The following YJEFN3 variants were observed in gnomAD, a reference collection of about 807,000 sequenced individuals.
YJEFN3 encodes yjeF N-terminal domain-containing protein 3.
Under a neutral mutation model 31.5 loss-of-function variants are expected in YJEFN3, and 29 were observed. The observed-to-expected ratio is 0.92, with a 90% confidence interval of 0.69 to 1.26. The LOEUF (loss-of-function observed/expected upper bound fraction) is 1.26. Among genes scored for constraint, YJEFN3 ranks in the 50% most tolerant of loss-of-function variants. The pLI is 0.00. For missense variants in YJEFN3, 442 were observed against 425.4 expected, an observed-to-expected ratio of 1.04 and a Z score of -0.34; for synonymous variants, 227 against 196.1, an observed-to-expected ratio of 1.16 and a Z score of -1.32.
chr19:19,533,498 CCCT>C (rs930579642), intron 3 of YJEFN3: 1 of 834,546 alleles, frequency 1.2e-6, no homozygotes, highest in Non-Finnish European at 1.4e-6. Context: ...CTTTCTCTCT[CCCT>C]CCTCCTCCCC....
At position 19,534,886 on chromosome 19, in the gene YJEFN3, C is replaced by T. The variant is rs915775781; in HGVS notation, c.319-148C>T. 8 of 535,490 alleles carry T rather than the reference C, an allele frequency of 1.5e-5. No individual in the cohort carries two copies. Among genetic ancestry groups the T allele is most frequent in the Non-Finnish European group, 2.2e-5 (7 of 324,426 alleles). The allele number at this position is 535,490 out of a possible 1,614,324, so 33.2% of individuals were successfully genotyped here. A position where few individuals can be genotyped will look rare whatever the true frequency, so the allele number is the denominator to read the frequency against. ...AACTGAGGCCCCAAGAGGCCCAACC[C>T]CTCATCCAGAACAGCTCACCTCCTG... On this transcript the variant is annotated intron_variant, in intron 3 of 6. Transcript: ENST00000514277. This position sits in a 1 kb window ranked among gnomAD's most constrained non-coding sequence, Gnocchi z 4.6.
intron 1 of YJEFN3, 151 bp from the exon 2 acceptor site, chr19:19,529,213 C>G: frequency 6.9e-7 from 1 of 1,446,372 alleles, no homozygotes; most frequent in East Asian, 2.5e-5. Context: ...AATCCGAGAC[C>G]CTCCTGGCAT....
Position 19,533,745 on chromosome 19 carries a change from G to A in YJEFN3, c.318+1005G>A, listed in dbSNP as rs531446237. 85 of 985,370 alleles carry A rather than the reference G, an allele frequency of 8.6e-5. 1 individual carries two copies. Among genetic ancestry groups the A allele is most frequent in the Middle Eastern group, 5.2e-4 (1 of 1,914 alleles). 61.0% of individuals were successfully genotyped at this position (985,370 alleles called of 1,614,324 possible). On this transcript the variant is annotated intron_variant, in intron 3 of 6. Transcript: ENST00000514277. ...TGTATTTCCAAATGAAATAGATCCC[G>A]GGTGAGGCGCCCAAAGGAGAAGGAA... is the stretch of plus-strand genomic sequence containing the variant.
At chr19:19,533,945 C>G (rs915272943) in intron 3 of YJEFN3, 36 of 985,438 alleles carry the variant, frequency 3.7e-5, no homozygotes, top group Non-Finnish European at 4.2e-5. Flanking sequence ...CATGGCAGGT[C>G]AGGACTGCGC....
At chr19:19,532,347 G>A (rs959206021) in intron 2 of YJEFN3, among the ~76,000 whole-genome samples, 1 of 152,256 alleles carries the variant, frequency 6.6e-6, no homozygotes, top group Non-Finnish European at 1.5e-5. Flanking sequence ...CCCACGCTTT[G>A]GAGCAGTAGA....
intron 6 of YJEFN3, 154 bp downstream of exon 6, chr19:19,535,833 T>C (rs1600370340): frequency 9.7e-7 from 1 of 1,029,064 alleles, no homozygotes; most frequent in East Asian, 2.6e-5. Context: ...CACCCATCCC[T>C]CTGATGGGGA....
Position 19,531,274 on chromosome 19 carries a change from G to C in YJEFN3, c.210-1358G>C, listed in dbSNP as rs1050299014. On this transcript the variant is annotated intron_variant, in intron 2 of 6. Transcript: ENST00000514277. ...GGCTCTATGTCTTTGTTCATGTCCT[G>C]TGGCTCTGGAGACACCAAGGGGGAA... Among the ~76,000 whole-genome samples, 7 of 152,302 alleles carry C rather than the reference G, an allele frequency of 4.6e-5. No individual in the cohort carries two copies. The South Asian group carries it at 1.2e-3, about 27-fold the overall frequency.
rs56747140 is a variant in YJEFN3, at chr19:19,531,718, CTTTTT to C, written c.210-888_210-884del. On this transcript the variant is annotated intron_variant, in intron 2 of 6. Coordinates refer to ENST00000514277, the MANE Select transcript of YJEFN3 (RefSeq NM_198537.4). Reference sequence around the variant, plus strand: ...GCCACATTTTCTGGCAACAAATAACCTTTTTTTTTTTTTTTTTTTTTTTTTTTTTT... The same window carrying C: ...GCCACATTTTCTGGCAACAAATAACCTTTTTTTTTTTTTTTTTTTTTTTTT... Among the ~76,000 whole-genome samples, 573 of 75,804 alleles carry C rather than the reference CTTTTT, an allele frequency of 7.6e-3. 10 individuals are homozygous for C. The highest frequency in any genetic ancestry group is 0.034 in the African/African-American group (456 of 13,218). 49.7% of individuals were successfully genotyped at this position (75,804 alleles called of 152,430 possible).
rs777136416 is a variant in YJEFN3 at position 19,535,674 on chromosome 19, C to T, written c.689C>T (p.Pro230Leu). ...LSIPLVSLDIPSGWDAETGSD... is the reference protein window; with the variant it reads ...LSIPLVSLDILSGWDAETGSD... ...ATCCCCCTCGTGAGCCTGGACATCC[C>T]CTCAGGCATGCCAGGCAGAGGGGGG... The change falls in exon 6 of 7, where the codon CCC becomes CTC. Residue 230 changes from proline to leucine, a missense_variant. Pro to Leu is a moderately conservative substitution (Grantham distance 98). Coordinates refer to ENST00000514277, the MANE Select transcript of YJEFN3 (RefSeq NM_198537.4). 6.4e-7 allele frequency: 1 copy of T among 1,558,014 alleles called. No homozygotes were observed. The highest frequency in any genetic ancestry group is 8.7e-7 in the Non-Finnish European group (1 of 1,152,696).
chr19:19,537,476 T>C lies in YJEFN3; in HGVS notation c.852T>C (p.Ala284=), dbSNP rs760704946. Residue 284 remains alanine (A), a synonymous_variant, in exon 7 of 7, where the codon GCT becomes GCC. Coordinates refer to ENST00000514277, the MANE Select transcript of YJEFN3 (RefSeq NM_198537.4). ...CCGATGACGTGCGCCGCAAGTTCGC[T>C]CTGCGCCTGCCGGGATACACGGGCA... The part of the protein sequence containing the change: ...FVPDDVRRKF[A]LRLPGYTGTD... 1.3e-6 allele frequency: 2 copies of C among 1,585,032 alleles called. No homozygotes were observed. The highest frequency in any genetic ancestry group is 3.4e-5 in the Admixed American group (2 of 58,696).
Position 19,534,199 on chromosome 19 carries a change from CAGAT to C in YJEFN3, c.319-834_319-831del. ...TGAGAGATACAGAGATGGCCAGAGA[CAGAT>C]GGAGAGAGACAGATAACAGAGAGAT... On this transcript the variant is annotated intron_variant, in intron 3 of 6. Coordinates refer to ENST00000514277, the MANE Select transcript of YJEFN3 (RefSeq NM_198537.4). This position sits in a 1 kb window ranked among gnomAD's most constrained non-coding sequence, Gnocchi z 4.6. 2 of 977,234 alleles carry C rather than the reference CAGAT, an allele frequency of 2.0e-6. No homozygotes were observed. Among genetic ancestry groups the C allele is most frequent in the Non-Finnish European group, 2.4e-6 (2 of 822,444 alleles). 60.5% of individuals were successfully genotyped at this position (977,234 alleles called of 1,614,324 possible).
intron 6 of YJEFN3, among the ~76,000 whole-genome samples, chr19:19,537,112 G>A (rs1427102087): frequency 1.3e-5 from 2 of 150,124 alleles, no homozygotes; most frequent in African/African-American, 2.5e-5. Flanking sequence ...TCTAGGGGGC[G>A]ACAAGTCTCA....
Position 19,537,375 on chromosome 19 carries a change from G to T in YJEFN3, c.751G>T (p.Val251Leu), listed in dbSNP as rs1415535882. 2 of 1,595,944 alleles carry T rather than the reference G, an allele frequency of 1.3e-6. No individual in the cohort carries two copies. Among genetic ancestry groups the T allele is most frequent in the Non-Finnish European group, 1.7e-6 (2 of 1,177,294 alleles). ...SEDGLRPDVL[V>L]SLAAPKRCAG... ...GGACGGGCTGCGGCCTGACGTGCTG[G>T]TGTCTCTCGCGGCGCCCAAGCGCTG... The change falls in exon 7 of 7, where the codon GTG becomes TTG. Residue 251 changes from valine (V) to leucine (L), a missense_variant. By Grantham distance (32) the Val-to-Leu change is conservative. Coordinates refer to ENST00000514277, the MANE Select transcript of YJEFN3 (RefSeq NM_198537.4).
In YJEFN3 at chr19:19,535,018, T is replaced by C. The variant is rs1164706149; in HGVS notation, c.319-16T>C. ...CTGGACTGTGCCTGTGCCTTTGCTG[T>C]GTCCCCTACCACCAGGCGTTCCCGT... On this transcript the variant is annotated splice_polypyrimidine_tract_variant and intron_variant, in intron 3 of 6. Coordinates refer to ENST00000514277, the MANE Select transcript of YJEFN3 (RefSeq NM_198537.4). 3 of 1,574,664 alleles carry C rather than the reference T, an allele frequency of 1.9e-6. No individual in the cohort carries two copies. Among genetic ancestry groups the C allele is most frequent in the African/African-American group, 1.4e-5 (1 of 73,762 alleles).
chr19:19,534,684 T>G lies in YJEFN3; in HGVS notation c.319-350T>G, dbSNP rs4808205. ...CTACTCCACAGCCTCCAGGAGGGGC[T>G]GAGGTCTGGAAACATGGGCGGGGGT... is the stretch of plus-strand genomic sequence containing the variant. On this transcript the variant is annotated intron_variant, in intron 3 of 6. Transcript: ENST00000514277. The surrounding 1 kb of genome is among the most constrained non-coding windows in gnomAD (Gnocchi z 4.6). 0.16 allele frequency: 28,680 copies of G among 184,214 alleles called. 2,424 individuals carry two copies. Among genetic ancestry groups the G allele is most frequent in the Middle Eastern group, 0.28 (135 of 478 alleles). The allele number at this position is 184,214 out of a possible 1,614,324, so 11.4% of individuals were successfully genotyped here. A position where few individuals can be genotyped will look rare whatever the true frequency, so the allele number is the denominator to read the frequency against.
intron 6 of YJEFN3, chr19:19,536,004 G>A: frequency 1.8e-6 from 1 of 550,692 alleles, no homozygotes; most frequent in Non-Finnish European, 3.2e-6. Flanking sequence ...CATGCCTGTT[G>A]GAACCATTAG....
intron 2 of YJEFN3, among the ~76,000 whole-genome samples, chr19:19,530,108 C>T (rs1203481313): frequency 6.6e-6 from 1 of 152,138 alleles, no homozygotes; most frequent in Non-Finnish European, 1.5e-5. Flanking sequence ...TGTGGCATGG[C>T]CACCCTGGCC....
intron 3 of YJEFN3, chr19:19,533,883 A>G (rs916754047): frequency 1.0e-6 from 1 of 985,504 alleles, no homozygotes; most frequent in Non-Finnish European, 1.2e-6. Context: ...CCTCAGTCCC[A>G]GTCTTGGGTC....
chr19:19,535,286 G>C (rs764125959), intron 4 of YJEFN3, 51 bp from the exon 5 acceptor site: 1 of 1,576,786 alleles, frequency 6.3e-7, no homozygotes, highest in African/African-American at 1.3e-5. Context: ...GCAGGGTCTG[G>C]TGCTGGTGAC....
Sources: allele counts gnomAD v4.1 joint callset (sites outside exome capture counted in the v4.1 genomes callset), GRCh38; gene constraint gnomAD v4.1.1; non-coding constraint Gnocchi (gnomAD v3.1); transcripts MANE v1.5; gene names NCBI Gene and HGNC (gene_info 2026-07-23, HGNC 2026-07-21).